The following FOXO1 variants were observed in gnomAD, a reference collection of about 807,000 sequenced individuals.
FOXO1 encodes forkhead box O1.
In FOXO1, 6 loss-of-function variants were observed where a neutral mutation model predicts 44.1. The observed-to-expected ratio is 0.14, with a 90% CI of 0.07 to 0.27. FOXO1 has a LOEUF of 0.27. Ranked by LOEUF, FOXO1 falls within the 10% of genes least tolerant of loss-of-function variation. The probability of loss-of-function intolerance (pLI) is 1.00; values close to 1 mark genes in which losing one functional copy is unlikely to be tolerated. For missense variants in FOXO1, 737 were observed against 888.8 expected (o/e 0.83, Z 2.17); for synonymous variants, 380 against 362.7 (o/e 1.05, Z -0.54).
chr13:40,581,267 A>G (rs894570412), intron 1 of FOXO1, among the ~76,000 whole-genome samples: 31 of 152,300 alleles, frequency 2.0e-4, no homozygotes, highest in African/African-American at 6.0e-4. Context: ...AACAGCCTTC[A>G]CACTTGTTGC....
rs1203546667 is a variant in FOXO1, at chr13:40,558,211, T to C, written c.*838A>G. 2.0e-5 allele frequency: 3 copies of C among 152,672 alleles called. No individual in the cohort carries two copies. The highest frequency in any genetic ancestry group is 2.1e-4 in the South Asian group (1 of 4,836). 9.5% of individuals were successfully genotyped at this position (152,672 alleles called of 1,614,324 possible). On this transcript the variant is annotated 3_prime_UTR_variant, in exon 3 of 3. Coordinates refer to ENST00000379561, the MANE Select transcript of FOXO1 (RefSeq NM_002015.4). ...TTCCACAAAATTTACAAGCTGACTA[T>C]GTAACAAAGTAGACTCTAGTTTTAA...
At position 40,621,373 on chromosome 13, in the gene FOXO1, A is replaced by G. The variant is rs1876609376; in HGVS notation, c.630+44210T>C. 4 of 389,800 alleles carry G rather than the reference A, an allele frequency of 1.0e-5. No individual in the cohort carries two copies. In the South Asian group the frequency reaches 1.8e-4, roughly 18 times the overall value. The allele number at this position is 389,800 out of a possible 1,614,324, so 24.1% of individuals were successfully genotyped here. ...TAAAAGTGATGGGATCTACTCAAAT[A>G]TTGTATTTTAGTAGAACTGAATGTT... On this transcript the variant is annotated intron_variant, in intron 1 of 2. Transcript: ENST00000379561.
intron 1 of FOXO1, among the ~76,000 whole-genome samples, chr13:40,660,352 G>A (rs761936184): frequency 2.6e-5 from 4 of 152,108 alleles, no homozygotes; most frequent in Non-Finnish European, 4.4e-5. Flanking sequence ...GCACATATAG[G>A]CCAAAAAAAT....
Position 40,665,868 on chromosome 13 carries a change from C to T in FOXO1, c.345G>A (p.Ala115=). The change falls in exon 1 of 3, where the codon GCG becomes GCA. Residue 115 remains alanine, a synonymous_variant. Transcript: ENST00000379561. ...GCGGTGGCGCTGGGTGCAGGCAGCC[C>T]GCCTCCGGGCCCTGGAAGTCCCCGC... The part of the protein sequence containing the change: ...GLCGDFQGPE[A]GCLHPAPPQP... 2 of 1,131,078 alleles carry T rather than the reference C, an allele frequency of 1.8e-6. No homozygotes were observed. Among genetic ancestry groups the T allele is most frequent in the Non-Finnish European group, 2.2e-6 (2 of 925,608 alleles). The allele number at this position is 1,131,078 out of a possible 1,614,324, so 70.1% of individuals were successfully genotyped here. A position where few individuals can be genotyped will look rare whatever the true frequency, so the allele number is the denominator to read the frequency against.
In FOXO1 at chr13:40,560,693, G is replaced by A. The variant is rs774276284; in HGVS notation, c.798C>T (p.Ser266=). The change falls in exon 2 of 3, where the codon AGC becomes AGT. Residue 266 remains serine, a synonymous_variant. Transcript: ENST00000379561. This position sits in a 1 kb window ranked among gnomAD's most constrained non-coding sequence, Gnocchi z 5.1. ...SMDNNSKFAK[S]RSRAAKKKAS... ...CTTTCTTCTTGGCAGCTCGGCTTCGGCTCTTAGCAAATTTACTGTTGTTGT... is the reference window on the plus strand; with the variant it reads ...CTTTCTTCTTGGCAGCTCGGCTTCGACTCTTAGCAAATTTACTGTTGTTGT... 1.2e-6 allele frequency: 2 copies of A among 1,614,156 alleles called. No individual in the cohort carries two copies. Among genetic ancestry groups the A allele is most frequent in the Non-Finnish European group, 1.7e-6 (2 of 1,180,026 alleles).
chr13:40,570,832 T>C (rs1285388893), intron 1 of FOXO1, among the ~76,000 whole-genome samples: 1 of 152,184 alleles, frequency 6.6e-6, no homozygotes, highest in African/African-American at 2.4e-5. Context: ...CTATGCACTA[T>C]CAGAAACAAA....
chr13:40,631,733 T>C (rs139314065), intron 1 of FOXO1, among the ~76,000 whole-genome samples: 144 of 152,122 alleles, frequency 9.5e-4, no homozygotes, highest in African/African-American at 3.3e-3. Context: ...AGACAGAAAG[T>C]AGAATGGTGG....
At chr13:40,573,296 C>A (rs753303139) in intron 1 of FOXO1, among the ~76,000 whole-genome samples, 2 of 152,184 alleles carry the variant, frequency 1.3e-5, no homozygotes, top group Non-Finnish European at 2.9e-5. Context: ...CCCACCAGGA[C>A]TTTCAGCTTA....
intron 1 of FOXO1, among the ~76,000 whole-genome samples, chr13:40,631,561 T>C (rs1414050684): frequency 2.6e-5 from 4 of 152,152 alleles, no homozygotes; most frequent in African/African-American, 9.7e-5. Context: ...AAGGTGTCCA[T>C]TGAGGGATGA....
chr13:40,636,805 A>G (rs575627996), intron 1 of FOXO1, among the ~76,000 whole-genome samples: 13 of 152,248 alleles, frequency 8.5e-5, no homozygotes, highest in African/African-American at 3.1e-4. Flanking sequence ...AAAAAATAAT[A>G]ATAATATTGT....
At chr13:40,586,133 T>C (rs9532563) in intron 1 of FOXO1, among the ~76,000 whole-genome samples, 30,078 of 152,188 alleles carry the variant, frequency 0.2, 3,133 homozygotes, top group South Asian at 0.31. Flanking sequence ...ATCCATAAAA[T>C]AGTGAAACCA....
Position 40,558,931 on chromosome 13 carries a change from T to C in FOXO1, c.*118A>G. 4 of 398,512 alleles carry C rather than the reference T, an allele frequency of 1.0e-5. No individual in the cohort carries two copies. The highest frequency in any genetic ancestry group is 1.8e-5 in the Non-Finnish European group (4 of 225,958). 24.7% of individuals were successfully genotyped at this position (398,512 alleles called of 1,614,324 possible). On this transcript the variant is annotated 3_prime_UTR_variant, in exon 3 of 3. Coordinates refer to ENST00000379561, the MANE Select transcript of FOXO1 (RefSeq NM_002015.4). ...AAAAGGAGGGTTTTTTTTTTTGTTT[T>C]TTTTTTTAACCAAGAAAACTAAAAG... is the stretch of plus-strand genomic sequence containing the variant.
At chr13:40,665,560 G>A (rs746013860) in intron 1 of FOXO1, 23 bp downstream of exon 1, 4 of 1,361,874 alleles carry the variant, frequency 2.9e-6, no homozygotes, top group African/African-American at 3.0e-5. Context: ...CCCAAGGTCC[G>A]GCCGCGCGCC....
chr13:40,624,801 G>A (rs935944359), intron 1 of FOXO1, among the ~76,000 whole-genome samples: 2 of 152,114 alleles, frequency 1.3e-5, no homozygotes, highest in African/African-American at 4.8e-5. Flanking sequence ...AGAGTATTTC[G>A]AGTAATGAAA....
chr13:40,559,885 C>G lies in FOXO1; in HGVS notation c.1606G>C (p.Gly536Arg). 6.2e-7 allele frequency: 1 copy of G among 1,614,094 alleles called. No homozygotes were observed. Among genetic ancestry groups the G allele is most frequent in the Non-Finnish European group, 8.5e-7 (1 of 1,180,002 alleles). ...GHAQQTSAVNGRPLPHTVSTM... is the reference protein window; with the variant it reads ...GHAQQTSAVNRRPLPHTVSTM... The stretch of plus-strand genomic sequence containing the variant: ...CTTACCGTGTGGGGCAGGGGACGCC[C>G]GTTAACTGCAGATGTCTGCTGAGCA... The change falls in exon 2 of 3, where the codon GGG becomes CGG. Residue 536 changes from glycine to arginine, a missense_variant. Physicochemically the swap from Gly to Arg is moderately radical, Grantham distance 125 (BLOSUM62 -2). Around this residue, in one of 7 missense-constraint regions of FOXO1, gnomAD observed 283 missense variants for 278.1 expected, o/e 1.02. Transcript: ENST00000379561.
chr13:40,629,197 C>T (rs1404766620), intron 1 of FOXO1, among the ~76,000 whole-genome samples: 2 of 151,150 alleles, frequency 1.3e-5, no homozygotes, highest in Non-Finnish European at 2.9e-5. Context: ...GGCTGGAGTG[C>T]AGTGGTGCAA....
At chr13:40,568,192 A>G (rs1874346024) in intron 1 of FOXO1, among the ~76,000 whole-genome samples, 1 of 152,194 alleles carries the variant, frequency 6.6e-6, no homozygotes, top group African/African-American at 2.4e-5. Context: ...CAAATCCAAC[A>G]AAAAGAACTT....
At chr13:40,567,263 C>T (rs1874305492) in intron 1 of FOXO1, among the ~76,000 whole-genome samples, 1 of 151,968 alleles carries the variant, frequency 6.6e-6, no homozygotes, top group Non-Finnish European at 1.5e-5. Context: ...CTGAATACAC[C>T]TTGCTCATGA....
chr13:40,664,771 T>G (rs993144067), intron 1 of FOXO1, among the ~76,000 whole-genome samples: 1 of 151,444 alleles, frequency 6.6e-6, no homozygotes, highest in Non-Finnish European at 1.5e-5. Context: ...GCTGGCCCTT[T>G]AAAGGCGCGG....
Sources: gnomAD v4.1 joint callset for allele counts (sites outside exome capture counted in the v4.1 genomes callset) on GRCh38, gnomAD v4.1.1 for gene constraint, gnomAD v4.1.1 regional missense constraint, Gnocchi (gnomAD v3.1) non-coding constraint, MANE v1.5 for transcripts, NCBI Gene and HGNC (gene_info 2026-07-23, HGNC 2026-07-21) for gene names.